Variants in SGMS1 observed in about 807,000 individuals in gnomAD.
SGMS1 encodes sphingomyelin synthase 1.
Under a neutral mutation model 46.2 loss-of-function variants are expected in SGMS1, and 13 were observed. The observed-to-expected ratio is 0.28, with a 90% CI of 0.18 to 0.45. The LOEUF (loss-of-function observed/expected upper bound fraction) is 0.45. Ranked by LOEUF, SGMS1 falls within the 20% of genes least tolerant of loss-of-function variation. The pLI is 1.00. For missense variants in SGMS1, 324 were observed against 519.9 expected (o/e 0.62, Z 3.66); for synonymous variants, 203 against 187.8 (o/e 1.08, Z -0.66).
upstream of SGMS1, chr10:50,625,051 G>T (rs1838909739): frequency 5.0e-6 from 5 of 999,494 alleles, no homozygotes; most frequent in South Asian, 3.7e-5. Flanking sequence ...TTTGGGCGCC[G>T]GACTCTGGCC....
chr10:50,343,346 G>T, intron 7 of SGMS1, 146 bp downstream of exon 7: 3 of 851,100 alleles, frequency 3.5e-6, no homozygotes, highest in Non-Finnish European at 5.1e-6. Flanking sequence ...CAGTAAGTTA[G>T]TCCAACAGGG....
At chr10:50,404,066 G>A (rs1258594537) in intron 6 of SGMS1, among the ~76,000 whole-genome samples, 1 of 151,824 alleles carries the variant, frequency 6.6e-6, no homozygotes, top group African/African-American at 2.4e-5. Context: ...GCTCATACAA[G>A]TCAATATGAT....
At chr10:50,486,287 T>C (rs1056102140) in intron 3 of SGMS1, among the ~76,000 whole-genome samples, 4 of 152,106 alleles carry the variant, frequency 2.6e-5, no homozygotes, top group African/African-American at 9.7e-5. Context: ...TCAAAACCAA[T>C]TGCAATAAAA....
intron 5 of SGMS1, among the ~76,000 whole-genome samples, chr10:50,453,478 C>G (rs1417668374): frequency 6.6e-6 from 1 of 151,070 alleles, no homozygotes; most frequent in Non-Finnish European, 1.5e-5. Context: ...ACGGCTTAAA[C>G]AGCAGATTAG....
At chr10:50,434,292 C>G (rs1849444782) in intron 5 of SGMS1, among the ~76,000 whole-genome samples, 1 of 152,102 alleles carries the variant, frequency 6.6e-6, no homozygotes, top group Non-Finnish European at 1.5e-5. Flanking sequence ...AGAAGGGCCC[C>G]AAATAAAAAT....
chr10:50,495,509 T>A (rs1837607766), intron 3 of SGMS1, among the ~76,000 whole-genome samples: 1 of 152,138 alleles, frequency 6.6e-6, no homozygotes, highest in East Asian at 1.9e-4. Context: ...AATCTAGCTT[T>A]ACACAGACCA....
chr10:50,563,699 C>T (rs1395564493), intron 2 of SGMS1, among the ~76,000 whole-genome samples: 3 of 145,116 alleles, frequency 2.1e-5, no homozygotes, highest in African/African-American at 7.7e-5. Flanking sequence ...GCCGAGATCC[C>T]GCCACTGCAC....
chr10:50,366,995 A>G (rs898015222), intron 6 of SGMS1, among the ~76,000 whole-genome samples: 3 of 152,218 alleles, frequency 2.0e-5, no homozygotes, highest in Non-Finnish European at 4.4e-5. Context: ...GACACTTCTC[A>G]AAAGAAGATA....
At chr10:50,485,013 C>T (rs1439087513) in intron 3 of SGMS1, among the ~76,000 whole-genome samples, 4 of 152,122 alleles carry the variant, frequency 2.6e-5, no homozygotes, top group African/African-American at 9.7e-5. Context: ...TCTCACCACT[C>T]GTATTCAACA....
chr10:50,491,334 C>A (rs184507316), intron 3 of SGMS1, among the ~76,000 whole-genome samples: 1 of 152,140 alleles, frequency 6.6e-6, no homozygotes, highest in Admixed American at 6.5e-5. Context: ...GCCTGGGTGA[C>A]AGAGTGAAAC....
At chr10:50,314,354 G>A (rs2842087) in intron 8 of SGMS1, among the ~76,000 whole-genome samples, 7,409 of 152,066 alleles carry the variant, frequency 0.049, 561 homozygotes, top group East Asian at 0.33. Flanking sequence ...AGCAGGCCAC[G>A]AAACAGATAT....
chr10:50,555,638 G>A (rs2133838324), intron 2 of SGMS1, among the ~76,000 whole-genome samples: 1 of 152,338 alleles, frequency 6.6e-6, no homozygotes, highest in South Asian at 2.1e-4. Flanking sequence ...TCAAGGTACT[G>A]AGAAGCTAAC....
At chr10:50,500,128 A>G (rs2983371) in intron 3 of SGMS1, among the ~76,000 whole-genome samples, 31,667 of 152,182 alleles carry the variant, frequency 0.21, 3,550 homozygotes, top group Non-Finnish European at 0.25. Flanking sequence ...AGATTGCACC[A>G]CTGCACTTCA....
At chr10:50,319,609 G>A (rs1371492707) in intron 8 of SGMS1, among the ~76,000 whole-genome samples, 1 of 152,124 alleles carries the variant, frequency 6.6e-6, no homozygotes, top group African/African-American at 2.4e-5. Flanking sequence ...ACACTGAAGA[G>A]TCCAATCCAG....
intron 6 of SGMS1, among the ~76,000 whole-genome samples, chr10:50,380,020 T>C (rs1038289895): frequency 6.6e-6 from 1 of 152,130 alleles, no homozygotes; most frequent in Non-Finnish European, 1.5e-5. Flanking sequence ...GTCACCAAAA[T>C]AAAACTTCCT....
intron 2 of SGMS1, among the ~76,000 whole-genome samples, chr10:50,527,978 TGAAA>T (rs1470812147): frequency 1.3e-5 from 2 of 152,188 alleles, no homozygotes; most frequent in Non-Finnish European, 1.5e-5. Context: ...AGAAAATTTA[TGAAA>T]GAGTTTAGTT....
intron 5 of SGMS1, among the ~76,000 whole-genome samples, chr10:50,458,387 G>C (rs1354205632): frequency 8.4e-6 from 1 of 118,948 alleles, no homozygotes; most frequent in Non-Finnish European, 1.6e-5. Flanking sequence ...GTGGAGTCTC[G>C]CTCCGTCGCC....
chr10:50,399,204 A>T (rs1848894744), intron 6 of SGMS1, among the ~76,000 whole-genome samples: 1 of 152,154 alleles, frequency 6.6e-6, no homozygotes, highest in Admixed American at 6.5e-5. Flanking sequence ...TGGACTTAGC[A>T]TTTTAATTGG....
intron 2 of SGMS1, among the ~76,000 whole-genome samples, chr10:50,577,119 G>A (rs1015339471): frequency 6.6e-6 from 1 of 152,306 alleles, no homozygotes; most frequent in South Asian, 2.1e-4. Flanking sequence ...GAGTCTTTTG[G>A]AAGACTCAGG....
Sources: allele counts gnomAD v4.1 joint callset (sites outside exome capture counted in the v4.1 genomes callset), GRCh38; gene constraint gnomAD v4.1.1; transcripts MANE v1.5; gene names NCBI Gene and HGNC (gene_info 2026-07-23, HGNC 2026-07-21).